Variants in GABRG3 observed in about 807,000 individuals in gnomAD.
The protein encoded by GABRG3 is gamma-aminobutyric acid receptor subunit gamma-3.
A neutral mutation model predicts 48.8 loss-of-function variants in GABRG3; 25 were observed. The observed-to-expected ratio is 0.51, with a 90% CI of 0.37 to 0.72. The LOEUF (loss-of-function observed/expected upper bound fraction) is 0.72, where lower values mean the gene tolerates loss of function less well. Ranked by LOEUF, GABRG3 falls within the 30% of genes least tolerant of loss-of-function variation. The probability of loss-of-function intolerance (pLI) is 0.00; values close to 1 mark genes in which losing one functional copy is unlikely to be tolerated. For synonymous variants in GABRG3, 227 were observed against 217.6 expected (o/e 1.04, Z -0.38); for missense variants, 394 against 577.9 (o/e 0.68, Z 3.26).
At chr15:27,525,383 T>C (rs1891250708) in intron 7 of GABRG3, among the ~76,000 whole-genome samples, 1 of 152,182 alleles carries the variant, frequency 6.6e-6, no homozygotes, top group South Asian at 2.1e-4. Context: ...ATAACCTTCC[T>C]GAAGTCCTTT....
intron 3 of GABRG3, among the ~76,000 whole-genome samples, chr15:27,276,416 G>C (rs770277324): frequency 5.3e-5 from 8 of 152,132 alleles, no homozygotes; most frequent in Non-Finnish European, 7.4e-5. Context: ...CAGGCTGTTG[G>C]CTGCAGAACT....
At chr15:27,511,726 A>G (rs1890900685) in intron 6 of GABRG3, among the ~76,000 whole-genome samples, 2 of 152,240 alleles carry the variant, frequency 1.3e-5, no homozygotes, top group Non-Finnish European at 2.9e-5. Flanking sequence ...TATGCATCTC[A>G]TATATTTCAA....
At chr15:27,073,812 A>G (rs1466955778) in intron 3 of GABRG3, among the ~76,000 whole-genome samples, 1 of 152,172 alleles carries the variant, frequency 6.6e-6, no homozygotes, top group Non-Finnish European at 1.5e-5. Context: ...CTGGGTTTCC[A>G]TCTGAAGGCT....
chr15:27,284,310 T>C (rs1451978788), intron 3 of GABRG3, among the ~76,000 whole-genome samples: 1 of 152,252 alleles, frequency 6.6e-6, no homozygotes, highest in Non-Finnish European at 1.5e-5. Flanking sequence ...ATGTGCTTCA[T>C]TGGGAATTAA....
intron 3 of GABRG3, among the ~76,000 whole-genome samples, chr15:27,070,722 G>C (rs2140733637): frequency 6.6e-6 from 1 of 152,330 alleles, no homozygotes; most frequent in Non-Finnish European, 1.5e-5. Context: ...CATTTGGGAA[G>C]CCAGAAATGG....
At chr15:27,529,277 C>T (rs1374246564) in intron 9 of GABRG3, among the ~76,000 whole-genome samples, 3 of 152,154 alleles carry the variant, frequency 2.0e-5, no homozygotes, top group Admixed American at 6.5e-5. Flanking sequence ...GTCCGAATTT[C>T]TTTTGGCTAG....
At chr15:27,144,315 A>G (rs1414555075) in intron 3 of GABRG3, among the ~76,000 whole-genome samples, 2 of 152,174 alleles carry the variant, frequency 1.3e-5, no homozygotes, top group Non-Finnish European at 2.9e-5. Context: ...GCTGAAAATC[A>G]GCAGCCTGGT....
intron 3 of GABRG3, among the ~76,000 whole-genome samples, chr15:27,251,349 T>G (rs1230591964): frequency 1.3e-5 from 2 of 151,976 alleles, no homozygotes; most frequent in Non-Finnish European, 2.9e-5. Flanking sequence ...TCAGCCAGGC[T>G]TTTCCCAGAC....
intron 5 of GABRG3, chr15:27,350,259 G>T: frequency 4.5e-6 from 2 of 446,520 alleles, no homozygotes. Context: ...GCTCAGAGAG[G>T]TTGCATTTGC....
intron 2 of GABRG3, among the ~76,000 whole-genome samples, chr15:27,020,485 C>A (rs1895869187): frequency 6.6e-6 from 1 of 152,232 alleles, no homozygotes. Context: ...TATCTCGGCT[C>A]ACTGCAAGCT....
chr15:27,342,065 G>A (rs960897049), intron 5 of GABRG3, among the ~76,000 whole-genome samples: 1 of 152,222 alleles, frequency 6.6e-6, no homozygotes, highest in Non-Finnish European at 1.5e-5. Context: ...GTGAAGCTCA[G>A]TGTGAGCATG....
At chr15:27,248,926 G>T (rs755132328) in intron 3 of GABRG3, among the ~76,000 whole-genome samples, 5 of 151,962 alleles carry the variant, frequency 3.3e-5, no homozygotes, top group African/African-American at 9.7e-5. Flanking sequence ...TTCTTTTAAC[G>T]CGAAGCCATC....
intron 3 of GABRG3, among the ~76,000 whole-genome samples, chr15:27,298,346 G>A (rs527387251): frequency 4.6e-5 from 7 of 152,226 alleles, no homozygotes; most frequent in African/African-American, 1.7e-4. Flanking sequence ...AATCAAGGAC[G>A]TGCCTGGGAG....
chr15:27,450,730 G>A (rs1889085081), intron 5 of GABRG3, among the ~76,000 whole-genome samples: 1 of 151,736 alleles, frequency 6.6e-6, no homozygotes, highest in South Asian at 2.1e-4. Flanking sequence ...AAATGTCGGG[G>A]GTGGGGGGGT....
At chr15:27,244,168 G>A (rs1454870060) in intron 3 of GABRG3, among the ~76,000 whole-genome samples, 1 of 152,204 alleles carries the variant, frequency 6.6e-6, no homozygotes, top group African/African-American at 2.4e-5. Flanking sequence ...GCTAGGCTGT[G>A]TACCAGGGCT....
intron 3 of GABRG3, among the ~76,000 whole-genome samples, chr15:27,283,739 A>AT (rs1555414968): frequency 6.6e-6 from 1 of 152,168 alleles, no homozygotes; most frequent in African/African-American, 2.4e-5. Context: ...ACTCTGAGGC[A>AT]TATGAGGCAT....
intron 3 of GABRG3, among the ~76,000 whole-genome samples, chr15:27,244,552 T>A (rs867900537): frequency 2.0e-5 from 3 of 152,254 alleles, no homozygotes; most frequent in Admixed American, 6.5e-5. Context: ...GCTGCACATG[T>A]GTATTGAATA....
chr15:27,264,207 C>G (rs940254045), intron 3 of GABRG3, among the ~76,000 whole-genome samples: 1 of 151,786 alleles, frequency 6.6e-6, no homozygotes, highest in Admixed American at 6.6e-5. Flanking sequence ...AGCCCAAATA[C>G]TAAACATAAA....
intron 3 of GABRG3, among the ~76,000 whole-genome samples, chr15:27,307,221 C>G (rs993658020): frequency 7.7e-5 from 10 of 129,818 alleles, no homozygotes; most frequent in African/African-American, 2.8e-4. Context: ...TTATATATAA[C>G]CATGTTTATA....
Sources: gnomAD v4.1 joint callset for allele counts (sites outside exome capture counted in the v4.1 genomes callset) on GRCh38, gnomAD v4.1.1 for gene constraint, MANE v1.5 for transcripts, NCBI Gene and HGNC (gene_info 2026-07-23, HGNC 2026-07-21) for gene names.